The following NCALD variants were observed in gnomAD, a reference collection of about 807,000 sequenced individuals.
NCALD encodes neurocalcin-delta.
A neutral mutation model predicts 18.6 loss-of-function variants in NCALD; 10 were observed. That is an observed-to-expected ratio of 0.54 (90% confidence interval 0.33 to 0.91). The LOEUF is 0.91. Among genes scored for constraint, NCALD ranks in the 40% least tolerant of loss-of-function variants. NCALD has a pLI of 0.03. For synonymous variants in NCALD, 88 were observed against 87.4 expected (o/e 1.01, Z -0.04); for missense variants, 184 against 247.6 (o/e 0.74, Z 1.72).
intron 4 of NCALD, among the ~76,000 whole-genome samples, chr8:101,823,347 C>G (rs202117260): frequency 3.0e-4 from 46 of 152,266 alleles, no homozygotes; most frequent in Admixed American, 2.1e-3. Context: ...TAAAAGGCTA[C>G]AATTCTAACA....
intron 1 of NCALD, among the ~76,000 whole-genome samples, chr8:101,736,505 A>G (rs1432513217): frequency 1.3e-5 from 2 of 152,186 alleles, no homozygotes; most frequent in Non-Finnish European, 2.9e-5. Flanking sequence ...CCCTAACTAT[A>G]CCTGCTGGTG....
At position 101,884,400 on chromosome 8, in the gene NCALD, C is replaced by CT. The variant is rs545699317; in HGVS notation, c.-20+2740dup. On this transcript the variant is annotated intron_variant, in intron 4 of 6. Transcript: ENST00000311028. The stretch of plus-strand genomic sequence containing the variant: ...CTATCCCTATTAATATCCCTGCCAC[C>CT]TAACACAGTGCCTGTCACATAGCAA... Among the ~76,000 whole-genome samples, 19 of 152,330 alleles carry CT rather than the reference C, an allele frequency of 1.2e-4. No individual in the cohort carries two copies. In the East Asian group the frequency reaches 2.7e-3, roughly 22 times the overall value.
At chr8:102,044,670 G>A (rs1427192217) in intron 1 of NCALD, among the ~76,000 whole-genome samples, 1 of 152,182 alleles carries the variant, frequency 6.6e-6, no homozygotes, top group African/African-American at 2.4e-5. Flanking sequence ...GAGTCAGAAG[G>A]GACTCAGAGA....
chr8:101,956,537 CA>C lies in NCALD; in HGVS notation c.-156-40680del, dbSNP rs199694195. On this transcript the variant is annotated intron_variant, in intron 2 of 6. Coordinates refer to the NCALD transcript ENST00000311028. Reference sequence around the variant, plus strand: ...CAATATAGGTACACGTAAGTATCTACATATATTCTGAGGAAGGAAGCGGTTA... The same window carrying C: ...CAATATAGGTACACGTAAGTATCTACTATATTCTGAGGAAGGAAGCGGTTA... Among the ~76,000 whole-genome samples the C allele has an allele frequency of 8.3e-3, 1,269 of 151,988 alleles. 15 individuals carry two copies. The highest frequency in any genetic ancestry group is 0.024 in the Middle Eastern group (7 of 294).
chr8:101,759,523 G>A (rs1298143155), intron 1 of NCALD, among the ~76,000 whole-genome samples: 3 of 152,210 alleles, frequency 2.0e-5, no homozygotes, highest in Non-Finnish European at 4.4e-5. Context: ...CTTGTCATCT[G>A]AATTCAAAGT....
chr8:101,791,149 C>G (rs150441233), upstream of NCALD, among the ~76,000 whole-genome samples: 1 of 152,214 alleles, frequency 6.6e-6, no homozygotes, highest in East Asian at 1.9e-4. Flanking sequence ...TATGTGTGTA[C>G]GCACACACCA....
intron 2 of NCALD, among the ~76,000 whole-genome samples, chr8:101,704,166 C>T (rs779624994): frequency 2.0e-5 from 3 of 152,082 alleles, no homozygotes; most frequent in Admixed American, 6.6e-5. Context: ...AACTGTGTCT[C>T]GGAAGAAAGT....
intron 2 of NCALD, among the ~76,000 whole-genome samples, chr8:102,008,875 T>TCCCAAG (rs1821801444): frequency 6.9e-6 from 1 of 144,876 alleles, no homozygotes. Flanking sequence ...TTATCTGAAT[T>TCCCAAG]CCCAAGCCCA....
intron 1 of NCALD, among the ~76,000 whole-genome samples, chr8:102,048,758 C>T (rs149631400): frequency 1.5e-4 from 23 of 152,280 alleles, no homozygotes; most frequent in Middle Eastern, 3.4e-3. Context: ...CCAAAAAATA[C>T]ATGCACACAC....
chr8:101,846,081 A>G (rs948980533), intron 4 of NCALD, among the ~76,000 whole-genome samples: 30 of 152,222 alleles, frequency 2.0e-4, no homozygotes, highest in Non-Finnish European at 4.3e-4. Context: ...TCTGCTGAAG[A>G]ACACTTAAGT....
intron 2 of NCALD, among the ~76,000 whole-genome samples, chr8:101,926,764 T>C (rs1818349798): frequency 1.3e-5 from 2 of 152,170 alleles, no homozygotes; most frequent in Non-Finnish European, 2.9e-5. Flanking sequence ...ACTTGTATCA[T>C]GGCCAGGTAG....
At chr8:101,747,932 G>T (rs1011869707) in intron 1 of NCALD, among the ~76,000 whole-genome samples, 5 of 152,072 alleles carry the variant, frequency 3.3e-5, no homozygotes, top group Non-Finnish European at 1.5e-5. Context: ...TGGCCAGGCT[G>T]GTCTCGAACT....
chr8:101,877,610 G>A (rs1816281186), intron 4 of NCALD, among the ~76,000 whole-genome samples: 1 of 152,136 alleles, frequency 6.6e-6, no homozygotes, highest in African/African-American at 2.4e-5. Flanking sequence ...CTCCTTACAG[G>A]AACAGTATTG....
At chr8:102,116,704 C>T (rs1825800201) in intron 1 of NCALD, among the ~76,000 whole-genome samples, 1 of 151,954 alleles carries the variant, frequency 6.6e-6, no homozygotes, top group Non-Finnish European at 1.5e-5. Flanking sequence ...GATGGGGTCT[C>T]ACCTTGTTGG....
Position 101,912,474 on chromosome 8 carries a change from T to C in NCALD, c.-107+3335A>G, listed in dbSNP as rs144851548. On this transcript the variant is annotated intron_variant, in intron 3 of 6. Coordinates refer to the NCALD transcript ENST00000311028. ...TATGAGCAGTCTCCAAATCTTTTTC[T>C]CTGACTCCTCCATCTTCAGATAATC... Among the ~76,000 whole-genome samples, 371 of 152,390 alleles carry C rather than the reference T, an allele frequency of 2.4e-3. 2 individuals carry two copies. Among genetic ancestry groups the C allele is most frequent in the South Asian group, 0.011 (55 of 4,832 alleles).
At chr8:101,983,101 G>A (rs1483426295) in intron 2 of NCALD, among the ~76,000 whole-genome samples, 1 of 152,112 alleles carries the variant, frequency 6.6e-6, no homozygotes, top group Non-Finnish European at 1.5e-5. Flanking sequence ...ATATGCTTCT[G>A]AGATACAGGC....
intron 1 of NCALD, among the ~76,000 whole-genome samples, chr8:102,084,400 A>C (rs1824663074): frequency 6.6e-6 from 1 of 152,248 alleles, no homozygotes; most frequent in Non-Finnish European, 1.5e-5. Context: ...AAGCTTATTA[A>C]GAAGTTTAGA....
chr8:101,731,176 G>A (rs1019301671), intron 1 of NCALD, among the ~76,000 whole-genome samples: 6 of 152,126 alleles, frequency 3.9e-5, no homozygotes, highest in African/African-American at 1.2e-4. Context: ...CGTGCCTAGC[G>A]TGATCCAGGA....
intron 2 of NCALD, among the ~76,000 whole-genome samples, chr8:101,966,361 C>T (rs1820030289): frequency 6.6e-6 from 1 of 151,880 alleles, no homozygotes; most frequent in Non-Finnish European, 1.5e-5. Context: ...AACCATCATT[C>T]TCAGCAAACT....
Sources: allele counts gnomAD v4.1 joint callset (sites outside exome capture counted in the v4.1 genomes callset), GRCh38; gene constraint gnomAD v4.1.1; transcripts MANE v1.5; gene names NCBI Gene and HGNC (gene_info 2026-07-23, HGNC 2026-07-21).